ADD3: variants seen among roughly 807,000 people sequenced by gnomAD.
ADD3 encodes gamma-adducin.
In ADD3, 25 loss-of-function variants were observed where a neutral mutation model predicts 80.2. The ratio of observed to expected loss-of-function variants is 0.31; its 90% CI spans 0.23 to 0.44. The LOEUF (loss-of-function observed/expected upper bound fraction) is 0.44. Ranked by LOEUF, ADD3 falls within the 20% of genes least tolerant of loss-of-function variation. The probability of loss-of-function intolerance (pLI) is 1.00; values close to 1 mark genes in which losing one functional copy is unlikely to be tolerated. For missense variants in ADD3, 829 were observed against 847.5 expected, an observed-to-expected ratio of 0.98 and a Z score of 0.27; for synonymous variants, 284 against 289.6, an observed-to-expected ratio of 0.98 and a Z score of 0.20.
At position 110,065,605 on chromosome 10, in the gene ADD3, T is replaced by C. The variant is rs549254740; in HGVS notation, c.-29-35020T>C. 3.3e-4 allele frequency among the ~76,000 whole-genome samples: 47 copies of C among 140,472 alleles called. No individual in the cohort carries two copies. In the South Asian group the frequency reaches 0.011, roughly 34 times the overall value. 92.2% of individuals were successfully genotyped at this position (140,472 alleles called of 152,430 possible). ...CCCAGGCTGGAGTACAGTGGCTCGA[T>C]CTTGGCTCACTGCACCCTCCGCCTC... On this transcript the variant is annotated intron_variant, in intron 1 of 14. Transcript: ENST00000356080.
intron 1 of ADD3, among the ~76,000 whole-genome samples, chr10:110,068,466 C>G (rs969596004): frequency 6.6e-6 from 1 of 152,136 alleles, no homozygotes; most frequent in African/African-American, 2.4e-5. Flanking sequence ...AGAGATGATT[C>G]AAAGTATTCA....
chr10:110,062,616 A>G (rs1267986046), intron 1 of ADD3, among the ~76,000 whole-genome samples: 2 of 152,166 alleles, frequency 1.3e-5, no homozygotes, highest in Non-Finnish European at 2.9e-5. Flanking sequence ...CTACCTTTAT[A>G]TATTTGAAAG....
intron 1 of ADD3, among the ~76,000 whole-genome samples, chr10:110,044,784 C>T (rs1045741263): frequency 4.6e-5 from 7 of 152,186 alleles, no homozygotes; most frequent in Non-Finnish European, 1.0e-4. Flanking sequence ...GTGATTTATA[C>T]TTTGGGACTA....
At chr10:110,057,534 T>C (rs531647663) in intron 1 of ADD3, among the ~76,000 whole-genome samples, 2 of 152,292 alleles carry the variant, frequency 1.3e-5, no homozygotes, top group South Asian at 4.1e-4. Context: ...GCTTCAAAAT[T>C]ATTGATGTCT....
intron 1 of ADD3, among the ~76,000 whole-genome samples, chr10:110,041,589 G>T (rs1369540117): frequency 6.6e-6 from 1 of 152,162 alleles, no homozygotes; most frequent in East Asian, 1.9e-4. Flanking sequence ...GTGTGATATA[G>T]GATGTTCACA....
chr10:110,025,319 T>G (rs1475413665), intron 1 of ADD3, among the ~76,000 whole-genome samples: 1 of 151,886 alleles, frequency 6.6e-6, no homozygotes, highest in Non-Finnish European at 1.5e-5. Flanking sequence ...ACTTTTTAAA[T>G]TTAATAATAC....
intron 1 of ADD3, among the ~76,000 whole-genome samples, chr10:110,021,124 A>G (rs1853621444): frequency 6.6e-6 from 1 of 152,216 alleles, no homozygotes; most frequent in South Asian, 2.1e-4. Context: ...ATTTCTATAC[A>G]TCTTTATGCT....
At chr10:110,028,154 A>C (rs1171497759) in intron 1 of ADD3, among the ~76,000 whole-genome samples, 1 of 152,250 alleles carries the variant, frequency 6.6e-6, no homozygotes, top group Non-Finnish European at 1.5e-5. Flanking sequence ...TTTGGTACAT[A>C]GTAGGTGCTT....
intron 2 of ADD3, among the ~76,000 whole-genome samples, chr10:110,104,503 T>A (rs1203088338): frequency 1.3e-5 from 2 of 152,348 alleles, no homozygotes; most frequent in East Asian, 1.9e-4. Flanking sequence ...TCTGCTGATA[T>A]AATTCTTTAA....
In ADD3 at chr10:110,027,107, G is replaced by A. The variant is rs146661452; in HGVS notation, c.-30+18808G>A. Among the ~76,000 whole-genome samples, 933 of 152,314 alleles carry A rather than the reference G, an allele frequency of 6.1e-3. 10 individuals are homozygous for A. Among genetic ancestry groups the A allele is most frequent in the African/African-American group, 0.022 (902 of 41,550 alleles). ...AGTATATGAAACCAAAAATTGGAAA[G>A]ATGGCTTTTAAGATGGGGGAATGAG... On this transcript the variant is annotated intron_variant, in intron 1 of 14. Coordinates refer to ENST00000356080, the MANE Select transcript of ADD3 (RefSeq NM_016824.5).
chr10:110,006,750 AG>A (rs35613415), upstream of ADD3, among the ~76,000 whole-genome samples: 148,131 of 151,250 alleles, frequency 0.98, 72,598 homozygotes, highest in East Asian at 1. Context: ...TTTAGGGAGG[AG>A]GGGGGGGATG....
chr10:110,031,832 A>C (rs1030896543), intron 1 of ADD3, among the ~76,000 whole-genome samples: 1 of 152,190 alleles, frequency 6.6e-6, no homozygotes, highest in African/African-American at 2.4e-5. Context: ...GTATACATTT[A>C]GAACATAAGG....
chr10:110,106,425 C>T (rs1386324765), intron 2 of ADD3, among the ~76,000 whole-genome samples: 3 of 151,808 alleles, frequency 2.0e-5, no homozygotes, highest in Non-Finnish European at 2.9e-5. Flanking sequence ...CCTGAAAGTT[C>T]TGACCTTGGA....
At chr10:110,056,772 G>T (rs1161858619) in intron 1 of ADD3, among the ~76,000 whole-genome samples, 1 of 152,144 alleles carries the variant, frequency 6.6e-6, no homozygotes, top group East Asian at 1.9e-4. Flanking sequence ...TAAATTCTAA[G>T]ATCTCTATAG....
upstream of ADD3, among the ~76,000 whole-genome samples, chr10:110,005,185 C>T (rs1851578762): frequency 6.6e-6 from 1 of 152,138 alleles, no homozygotes; most frequent in African/African-American, 2.4e-5. Flanking sequence ...CCTCAGCCTC[C>T]TAAGTAGCTG....
At chr10:110,028,677 A>G (rs577917859) in intron 1 of ADD3, among the ~76,000 whole-genome samples, 25 of 152,230 alleles carry the variant, frequency 1.6e-4, no homozygotes, top group Non-Finnish European at 3.1e-4. Flanking sequence ...CAGTACTTTT[A>G]TCTGAAAAGT....
intron 1 of ADD3, among the ~76,000 whole-genome samples, chr10:110,040,941 T>TCG (rs1564879592): frequency 4.1e-5 from 4 of 96,838 alleles, no homozygotes; most frequent in Non-Finnish European, 9.2e-5. Flanking sequence ...TCTCTCTCTC[T>TCG]CTCGCTCTCT....
intron 1 of ADD3, among the ~76,000 whole-genome samples, chr10:110,078,692 A>G (rs560013968): frequency 6.6e-6 from 1 of 152,292 alleles, no homozygotes; most frequent in South Asian, 2.1e-4. Context: ...TGACCCAATC[A>G]TGACACACAC....
At chr10:110,054,440 T>C (rs1857892103) in intron 1 of ADD3, among the ~76,000 whole-genome samples, 1 of 510 alleles carries the variant, frequency 2.0e-3, no homozygotes, top group Non-Finnish European at 8.9e-3. Context: ...CAGTTTTCTC[T>C]TTTTTTTTTT....
Sources: gnomAD v4.1 joint callset for allele counts (sites outside exome capture counted in the v4.1 genomes callset) on GRCh38, gnomAD v4.1.1 for gene constraint, MANE v1.5 for transcripts, NCBI Gene and HGNC (gene_info 2026-07-23, HGNC 2026-07-21) for gene names.